The following FAM107B variants were observed in gnomAD, a reference collection of about 807,000 sequenced individuals.
The protein encoded by FAM107B is protein FAM107B.
In FAM107B, 21 loss-of-function variants were observed where a neutral mutation model predicts 31.5. The observed-to-expected ratio is 0.67, with a 90% CI of 0.47 to 0.96. The LOEUF is 0.96. Ranked by LOEUF, FAM107B falls within the 40% of genes least tolerant of loss-of-function variation. FAM107B has a pLI of 0.00. For synonymous variants in FAM107B, 157 were observed against 141.5 expected (o/e 1.11, Z -0.78); for missense variants, 452 against 377.1 (o/e 1.20, Z -1.64).
intron 2 of FAM107B, among the ~76,000 whole-genome samples, chr10:14,605,389 A>G (rs1588654379): frequency 6.6e-6 from 1 of 152,364 alleles, no homozygotes; most frequent in Non-Finnish European, 1.5e-5. Context: ...TCAGCGTAGC[A>G]AAAAGGACAA....
chr10:14,708,539 G>A (rs1226997492), intron 1 of FAM107B, among the ~76,000 whole-genome samples: 2 of 152,098 alleles, frequency 1.3e-5, no homozygotes, highest in African/African-American at 2.4e-5. Flanking sequence ...GAGACCAGTG[G>A]TAAAGTGAAT....
At chr10:14,522,541 G>A (rs975977669) in intron 3 of FAM107B, among the ~76,000 whole-genome samples, 1 of 151,982 alleles carries the variant, frequency 6.6e-6, no homozygotes, top group African/African-American at 2.4e-5. Context: ...TCAGCCTCTG[G>A]AGTAGCTGGG....
At chr10:14,744,270 G>A (rs574874785) in intron 1 of FAM107B, among the ~76,000 whole-genome samples, 83 of 152,216 alleles carry the variant, frequency 5.5e-4, no homozygotes, top group Non-Finnish European at 8.5e-4. Flanking sequence ...GGGTTTTTTA[G>A]ATATAGGATC....
chr10:14,550,777 A>G (rs1849183184), intron 2 of FAM107B, among the ~76,000 whole-genome samples: 1 of 152,218 alleles, frequency 6.6e-6, no homozygotes, highest in Non-Finnish European at 1.5e-5. Flanking sequence ...TTTTAACAGT[A>G]CCTTTTTCAA....
At chr10:14,521,449 T>G in intron 4 of FAM107B, 143 bp from the exon 5 acceptor site, 1 of 700,562 alleles carries the variant, frequency 1.4e-6, no homozygotes, top group South Asian at 1.8e-5. Flanking sequence ...AAGAAATGGA[T>G]GGATAGAGTC....
At chr10:14,658,249 G>A (rs565790400) in intron 2 of FAM107B, among the ~76,000 whole-genome samples, 1 of 152,188 alleles carries the variant, frequency 6.6e-6, no homozygotes, top group African/African-American at 2.4e-5. Flanking sequence ...TAGAGGTCAG[G>A]TCTTCACTGA....
intron 2 of FAM107B, among the ~76,000 whole-genome samples, chr10:14,632,381 G>A (rs943997115): frequency 1.3e-5 from 2 of 151,090 alleles, no homozygotes; most frequent in African/African-American, 4.9e-5. Context: ...GGAGGCCAAG[G>A]TGGGCAGATC....
At chr10:14,616,674 G>A (rs552868582) in intron 2 of FAM107B, among the ~76,000 whole-genome samples, 10 of 152,330 alleles carry the variant, frequency 6.6e-5, no homozygotes, top group African/African-American at 1.9e-4. Context: ...TGTAATCCCA[G>A]CCCTGTGGGA....
chr10:14,535,873 G>C (rs1847554791), intron 2 of FAM107B, among the ~76,000 whole-genome samples: 1 of 152,240 alleles, frequency 6.6e-6, no homozygotes, highest in African/African-American at 2.4e-5. Flanking sequence ...CTATCCCAGA[G>C]CACTGGGAAA....
intron 1 of FAM107B, among the ~76,000 whole-genome samples, chr10:14,757,253 A>G (rs769283630): frequency 2.1e-4 from 32 of 151,712 alleles, no homozygotes; most frequent in Non-Finnish European, 4.0e-4. Flanking sequence ...AATGCATCCT[A>G]TGTACCTAAT....
intron 1 of FAM107B, among the ~76,000 whole-genome samples, chr10:14,693,279 C>T (rs974036004): frequency 1.3e-5 from 2 of 152,092 alleles, no homozygotes; most frequent in Non-Finnish European, 2.9e-5. Context: ...AGTTCGAGAC[C>T]AGCCTGGCCA....
intron 1 of FAM107B, among the ~76,000 whole-genome samples, chr10:14,718,355 A>G (rs998768344): frequency 5.3e-5 from 8 of 150,164 alleles, no homozygotes; most frequent in African/African-American, 4.9e-5. Flanking sequence ...GGAAGGAAGG[A>G]AGGGAGGGAG....
chr10:14,747,864 C>T (rs1832756578), intron 1 of FAM107B, among the ~76,000 whole-genome samples: 1 of 152,198 alleles, frequency 6.6e-6, no homozygotes, highest in Non-Finnish European at 1.5e-5. Flanking sequence ...TCTTCATAAT[C>T]TTCAGAATAA....
chr10:14,711,207 G>T (rs1311782317), intron 1 of FAM107B, among the ~76,000 whole-genome samples: 1 of 152,076 alleles, frequency 6.6e-6, no homozygotes, highest in African/African-American at 2.4e-5. Context: ...CACTGTGCCC[G>T]GCCATAAAAT....
intron 1 of FAM107B, among the ~76,000 whole-genome samples, chr10:14,675,749 G>A (rs1854666919): frequency 6.6e-6 from 1 of 152,040 alleles, no homozygotes; most frequent in African/African-American, 2.4e-5. Flanking sequence ...GAGTCTCAAG[G>A]GTAGGATTCT....
intron 1 of FAM107B, among the ~76,000 whole-genome samples, chr10:14,762,779 C>T (rs965350583): frequency 2.7e-5 from 4 of 150,772 alleles, no homozygotes; most frequent in African/African-American, 9.9e-5. Context: ...CACACACACA[C>T]ACACACACAC....
At chr10:14,750,467 C>T (rs1344425022) in intron 1 of FAM107B, among the ~76,000 whole-genome samples, 1 of 152,098 alleles carries the variant, frequency 6.6e-6, no homozygotes, top group African/African-American at 2.4e-5. Flanking sequence ...CAAAAATTAG[C>T]TGGGCGGGAT....
At chr10:14,772,804 A>G (rs533735668) in intron 1 of FAM107B, among the ~76,000 whole-genome samples, 2 of 152,186 alleles carry the variant, frequency 1.3e-5, no homozygotes, top group South Asian at 4.1e-4. Flanking sequence ...TTCTATTTGA[A>G]TTCACATGCT....
chr10:14,523,914 T>A (rs1845934910), intron 3 of FAM107B, among the ~76,000 whole-genome samples: 1 of 150,926 alleles, frequency 6.6e-6, no homozygotes, highest in Non-Finnish European at 1.5e-5. Context: ...TTGCCCGGGC[T>A]GGAGTGCAGC....
Sources: allele counts gnomAD v4.1 joint callset (sites outside exome capture counted in the v4.1 genomes callset), GRCh38; gene constraint gnomAD v4.1.1; transcripts MANE v1.5; gene names NCBI Gene and HGNC (gene_info 2026-07-23, HGNC 2026-07-21).